Variants in KCTD10 observed in about 807,000 individuals in gnomAD.
KCTD10 encodes potassium channel tetramerization domain containing 10.
In KCTD10, 13 loss-of-function variants were observed where a neutral mutation model predicts 34.6. The ratio of observed to expected loss-of-function variants is 0.38; its 90% CI spans 0.24 to 0.60. KCTD10 has a LOEUF of 0.60. KCTD10 is among the 20% of genes least tolerant of loss of function. The probability of loss-of-function intolerance (pLI) is 0.66; values close to 1 mark genes in which losing one functional copy is unlikely to be tolerated. For synonymous variants in KCTD10, 156 were observed against 168.8 expected, an observed-to-expected ratio of 0.92 and a Z score of 0.59; for missense variants, 256 against 420.3, an observed-to-expected ratio of 0.61 and a Z score of 3.42.
chr12:109,471,643 T>C (rs1038785656), intron 1 of KCTD10, among the ~76,000 whole-genome samples: 1 of 152,104 alleles, frequency 6.6e-6, no homozygotes, highest in South Asian at 2.1e-4. Context: ...AAAAATCCTT[T>C]GTCCATGGGA....
chr12:109,457,932 A>T, intron 4 of KCTD10, 60 bp downstream of exon 4: 2 of 1,378,550 alleles, frequency 1.5e-6, no homozygotes, highest in Non-Finnish European at 2.1e-6. Context: ...AAAGTTATTC[A>T]GAAGAACCTC....
At chr12:109,472,240 C>G (rs1873926496) in intron 1 of KCTD10, among the ~76,000 whole-genome samples, 1 of 151,944 alleles carries the variant, frequency 6.6e-6, no homozygotes, top group African/African-American at 2.4e-5. Context: ...CACAGCTGTA[C>G]AAAAATATTT....
At chr12:109,462,094 G>A (rs72647795) in intron 2 of KCTD10, among the ~76,000 whole-genome samples, 1 of 152,180 alleles carries the variant, frequency 6.6e-6, no homozygotes, top group Admixed American at 6.5e-5. Flanking sequence ...AGCAGCAAAC[G>A]CATCTTTTTC....
Position 109,451,389 on chromosome 12 carries a change from C to T in KCTD10, c.*206G>A. On this transcript the variant is annotated 3_prime_UTR_variant, in exon 7 of 7. Transcript: ENST00000228495. The surrounding 1 kb of genome is among the most constrained non-coding windows in gnomAD (Gnocchi z 5.0). The stretch of plus-strand genomic sequence containing the variant: ...TGAAAAGTAGAGATCTTAGACACAG[C>T]TTGTTCAACGACAGGGGTCATACGC... 1.8e-6 allele frequency: 1 copy of T among 541,168 alleles called. No individual in the cohort carries two copies. Among genetic ancestry groups the T allele is most frequent in the South Asian group, 2.9e-5 (1 of 34,650 alleles). 33.5% of individuals were successfully genotyped at this position (541,168 alleles called of 1,614,324 possible). A position where few individuals can be genotyped will look rare whatever the true frequency, so the allele number is the denominator to read the frequency against.
chr12:109,450,046 G>T lies in KCTD10; in HGVS notation c.*1549C>A. 7.9e-6 allele frequency: 3 copies of T among 380,946 alleles called. No individual in the cohort carries two copies. Among genetic ancestry groups the T allele is most frequent in the Middle Eastern group, 6.7e-4 (1 of 1,486 alleles). The allele number at this position is 380,946 out of a possible 1,614,324, so 23.6% of individuals were successfully genotyped here. A position where few individuals can be genotyped will look rare whatever the true frequency, so the allele number is the denominator to read the frequency against. ...AAGGCATACAACTGTCACAGGCAGG[G>T]CAGTAAGTACAAAGTCTAAGCTGTA... On this transcript the variant is annotated 3_prime_UTR_variant, in exon 7 of 7. Transcript: ENST00000228495.
Position 109,449,147 on chromosome 12 carries a change from T to C in KCTD10, c.*2448A>G, listed in dbSNP as rs1260272849. 1 of 152,246 alleles carries C rather than the reference T, an allele frequency of 6.6e-6. No individual in the cohort carries two copies. Among genetic ancestry groups the C allele is most frequent in the Non-Finnish European group, 1.5e-5 (1 of 68,040 alleles). 9.4% of individuals were successfully genotyped at this position (152,246 alleles called of 1,614,324 possible). On this transcript the variant is annotated 3_prime_UTR_variant, in exon 7 of 7. Transcript: ENST00000228495. ...CTGGATAGTGCTTACATTATAAATATTGGTTTTTGCCCTTAGTGCTAACAT... is the reference window on the plus strand; with the variant it reads ...CTGGATAGTGCTTACATTATAAATACTGGTTTTTGCCCTTAGTGCTAACAT...
intron 1 of KCTD10, among the ~76,000 whole-genome samples, chr12:109,473,584 A>G (rs1342946605): frequency 6.6e-6 from 1 of 152,146 alleles, no homozygotes; most frequent in African/African-American, 2.4e-5. Flanking sequence ...AAAGCTCTAA[A>G]CCTTTTCAGA....
At chr12:109,472,855 A>G (rs559757956) in intron 1 of KCTD10, among the ~76,000 whole-genome samples, 1 of 152,346 alleles carries the variant, frequency 6.6e-6, no homozygotes, top group South Asian at 2.1e-4. Flanking sequence ...TGGCTTTCCA[A>G]TACCTTTTTA....
intron 1 of KCTD10, among the ~76,000 whole-genome samples, chr12:109,475,187 T>C (rs1363300672): frequency 6.6e-6 from 1 of 152,032 alleles, no homozygotes; most frequent in East Asian, 1.9e-4. Flanking sequence ...AAAAACATGA[T>C]GCCAGGCCAG....
intron 2 of KCTD10, among the ~76,000 whole-genome samples, chr12:109,465,416 G>A (rs1240334999): frequency 6.6e-6 from 1 of 152,172 alleles, no homozygotes; most frequent in Non-Finnish European, 1.5e-5. Context: ...TGGAAAGATG[G>A]ACACTTGTGG....
At chr12:109,476,873 C>A (rs1165666802) in intron 1 of KCTD10, among the ~76,000 whole-genome samples, 2 of 152,090 alleles carry the variant, frequency 1.3e-5, no homozygotes, top group East Asian at 3.9e-4. Context: ...CCTCCAAATC[C>A]TCATTTTCCA....
chr12:109,452,998 T>C (rs970608792), intron 6 of KCTD10, among the ~76,000 whole-genome samples: 2 of 152,276 alleles, frequency 1.3e-5, no homozygotes, highest in African/African-American at 4.8e-5. Flanking sequence ...AGGAGTGGCG[T>C]GTTCTTGTGT....
intron 1 of KCTD10, among the ~76,000 whole-genome samples, chr12:109,475,534 T>C (rs1874135937): frequency 1.3e-5 from 2 of 148,456 alleles, no homozygotes; most frequent in South Asian, 4.2e-4. Flanking sequence ...ACACCCCAGA[T>C]CAATTAATCA....
intron 2 of KCTD10, among the ~76,000 whole-genome samples, chr12:109,466,450 A>G (rs1169405093): frequency 6.6e-6 from 1 of 152,254 alleles, no homozygotes; most frequent in Non-Finnish European, 1.5e-5. Context: ...CACTTGTCCA[A>G]TGTCACATGA....
chr12:109,457,770 C>T, intron 4 of KCTD10, 88 bp from the exon 5 acceptor site: 1 of 1,362,642 alleles, frequency 7.3e-7, no homozygotes, highest in Non-Finnish European at 1.1e-6. Context: ...TGGGGCCCTG[C>T]CCTGCATCAG....
At chr12:109,471,781 T>C (rs1165298787) in intron 1 of KCTD10, among the ~76,000 whole-genome samples, 1 of 152,242 alleles carries the variant, frequency 6.6e-6, no homozygotes, top group Non-Finnish European at 1.5e-5. Flanking sequence ...GCAAATACTT[T>C]TTAAGCACCC....
In KCTD10 at chr12:109,462,700, C is replaced by CAGGA. The variant is rs1873395919; in HGVS notation, c.218-1899_218-1896dup. 2.0e-5 allele frequency among the ~76,000 whole-genome samples: 3 copies of CAGGA among 152,294 alleles called. No homozygotes were observed. In the South Asian group the frequency reaches 6.2e-4, roughly 32 times the overall value. On this transcript the variant is annotated intron_variant, in intron 2 of 6. Coordinates refer to ENST00000228495, the MANE Select transcript of KCTD10 (RefSeq NM_031954.5). ...CCCACTCCAGCCAAGAGTGGCCAGG[C>CAGGA]AGGAATGTGGGCCCAAGAGCTGTGA... is the stretch of plus-strand genomic sequence containing the variant.
At position 109,465,881 on chromosome 12, in the gene KCTD10, C is replaced by T. The variant is rs140308124; in HGVS notation, c.217+3634G>A. Among the ~76,000 whole-genome samples, 23 of 152,222 alleles carry T rather than the reference C, an allele frequency of 1.5e-4. 1 individual carries two copies. The highest frequency in any genetic ancestry group is 8.5e-4 in the Admixed American group (13 of 15,296). On this transcript the variant is annotated intron_variant, in intron 2 of 6. Transcript: ENST00000228495. ...ATGAATGACTCTTCAATCTAGTGTA[C>T]GCACTAATTCCAAAATACATTAGCA...
intron 1 of KCTD10, among the ~76,000 whole-genome samples, chr12:109,472,309 T>G (rs1489755026): frequency 6.6e-6 from 1 of 152,170 alleles, no homozygotes; most frequent in African/African-American, 2.4e-5. Context: ...TTTAAACTTT[T>G]TTATCCAAAA....
Sources: allele counts gnomAD v4.1 joint callset (sites outside exome capture counted in the v4.1 genomes callset), GRCh38; gene constraint gnomAD v4.1.1; non-coding constraint Gnocchi (gnomAD v3.1); transcripts MANE v1.5; gene names NCBI Gene and HGNC (gene_info 2026-07-23, HGNC 2026-07-21).